KIF26A: variants seen among roughly 807,000 people sequenced by gnomAD.
KIF26A encodes kinesin-like protein KIF26A.
A neutral mutation model predicts 126.0 loss-of-function variants in KIF26A; 74 were observed. The observed-to-expected ratio is 0.59, with a 90% CI of 0.49 to 0.71. KIF26A has a LOEUF of 0.71. Among genes scored for constraint, KIF26A ranks in the 30% least tolerant of loss-of-function variants. The probability of loss-of-function intolerance (pLI) is 0.00; values close to 1 mark genes in which losing one functional copy is unlikely to be tolerated. For missense variants in KIF26A, 2,984 were observed against 2,763.3 expected, an observed-to-expected ratio of 1.08 and a Z score of -1.79; for synonymous variants, 1,445 against 1,232.7, an observed-to-expected ratio of 1.17 and a Z score of -3.61.
At chr14:104,173,588 T>G (rs2037983629) in intron 9 of KIF26A, 75 bp downstream of exon 9, 1 of 1,502,738 alleles carries the variant, frequency 6.7e-7, no homozygotes, top group East Asian at 2.4e-5. Flanking sequence ...GGGCCTGTCA[T>G]CCAGTGGCTC....
At chr14:104,141,771 G>T (rs2037639935) in intron 2 of KIF26A, among the ~76,000 whole-genome samples, 2 of 152,172 alleles carry the variant, frequency 1.3e-5, no homozygotes, top group Non-Finnish European at 2.9e-5. Context: ...AACACCCGAT[G>T]CCTGCATGGT....
chr14:104,153,346 G>A (rs545749465), intron 3 of KIF26A, among the ~76,000 whole-genome samples: 34 of 152,218 alleles, frequency 2.2e-4, no homozygotes, highest in Non-Finnish European at 2.1e-4. Flanking sequence ...GACACCCCCC[G>A]GGTCCCAGCT....
In KIF26A at chr14:104,176,380, C is replaced by T. The variant is rs757921413; in HGVS notation, c.3592C>T (p.Arg1198Trp). 27 of 1,585,282 alleles carry T rather than the reference C, an allele frequency of 1.7e-5. No individual in the cohort carries two copies. The highest frequency in any genetic ancestry group is 4.0e-5 in the African/African-American group (3 of 74,306). The stretch of plus-strand genomic sequence containing the variant: ...CAGGGAGCCCCAGGCCGGGCCCTCG[C>T]GGTGGGCATCCGCAGCCCAGACCAT... ...PGREPQAGPS[R>W]WASAAQTIHS... The change falls in exon 12 of 15, where the codon CGG (arginine) becomes TGG (tryptophan). Residue 1198 changes from arginine (R) to tryptophan (W), a missense_variant. Coordinates refer to ENST00000423312, the MANE Select transcript of KIF26A (RefSeq NM_015656.2).
intron 2 of KIF26A, among the ~76,000 whole-genome samples, chr14:104,150,547 T>A (rs2037719502): frequency 6.6e-6 from 1 of 151,982 alleles, no homozygotes; most frequent in Non-Finnish European, 1.5e-5. Flanking sequence ...CTCCAGGGCA[T>A]CTGTGGACAA....
At position 104,166,946 on chromosome 14, in the gene KIF26A, C is replaced by A. The variant is rs2037911329; in HGVS notation, c.1011C>A (p.Pro337=). ...CCACCCGCGGCACCTCCACCTACCC[C>A]ACCGACTTCAGCGGGGTCCTGCAGC... ...PPATRGTSTY[P]TDFSGVLQLW... Residue 337 remains proline (P), a synonymous_variant, in exon 5 of 15, where the codon CCC becomes CCA. Coordinates refer to ENST00000423312, the MANE Select transcript of KIF26A (RefSeq NM_015656.2). The A allele has an allele frequency of 6.3e-7, 1 of 1,592,634 alleles. No individual in the cohort carries two copies. Among genetic ancestry groups the A allele is most frequent in the East Asian group, 2.3e-5 (1 of 43,742 alleles).
At position 104,139,270 on chromosome 14, in the gene KIF26A, G is replaced by A. The variant is rs1020023156; in HGVS notation, c.270G>A (p.Gly90=). ...GACAGGCGTGGAAGCTGGTCAGCGG[G>A]CCCGGGACCACCCTCCGGGTAAGTG... ...LKRQAWKLVS[G]PGTTLRDPCL... Residue 90 remains glycine (G), a synonymous_variant, in exon 2 of 15, where the codon GGG becomes GGA. Coordinates refer to ENST00000423312, the MANE Select transcript of KIF26A (RefSeq NM_015656.2). The A allele has an allele frequency of 6.6e-7, 1 of 1,525,670 alleles. No homozygotes were observed. Among genetic ancestry groups the A allele is most frequent in the Admixed American group, 2.2e-5 (1 of 46,348 alleles). The allele number at this position is 1,525,670 out of a possible 1,614,324, so 94.5% of individuals were successfully genotyped here. A position where few individuals can be genotyped will look rare whatever the true frequency, so the allele number is the denominator to read the frequency against.
intron 2 of KIF26A, among the ~76,000 whole-genome samples, chr14:104,146,204 G>A (rs2037679227): frequency 6.6e-6 from 1 of 152,226 alleles, no homozygotes; most frequent in African/African-American, 2.4e-5. Flanking sequence ...GGGGGTGGGT[G>A]GCCCCTAGGG....
intron 2 of KIF26A, among the ~76,000 whole-genome samples, chr14:104,144,391 A>C (rs374352434): frequency 3.9e-5 from 6 of 152,216 alleles, no homozygotes; most frequent in African/African-American, 7.2e-5. Flanking sequence ...CGCTGGCCTC[A>C]CTGCCTCTCT....
Position 104,179,243 on chromosome 14 carries a change from C to A in KIF26A, c.5324C>A (p.Ala1775Glu). ...GCCCGCCCTGCCTCCCAGGGTCTGG[C>A]GTGCGTCAGTACAAGGCTGCGGCTG... is the stretch of plus-strand genomic sequence containing the variant. Reference protein sequence around the residue: ...TPREAPTQGLACVSTRLRLAE... With the variant: ...TPREAPTQGLECVSTRLRLAE... Residue 1775 changes from alanine (A) to glutamate (E), a missense_variant, in exon 14 of 15, where the codon GCG becomes GAG. By Grantham distance (107) the Ala-to-Glu change is moderately radical (BLOSUM62 -1). Transcript: ENST00000423312. 1 of 1,496,650 alleles carries A rather than the reference C, an allele frequency of 6.7e-7. No homozygotes were observed. Among genetic ancestry groups the A allele is most frequent in the Non-Finnish European group, 8.9e-7 (1 of 1,128,278 alleles). The allele number at this position is 1,496,650 out of a possible 1,614,324, so 92.7% of individuals were successfully genotyped here. A position where few individuals can be genotyped will look rare whatever the true frequency, so the allele number is the denominator to read the frequency against.
In KIF26A at chr14:104,173,795, C is replaced by A. The variant is rs757057401; in HGVS notation, c.1957C>A (p.Leu653Met). ...GRAGEAAGGPLCLSLSALGSV... is the reference protein window; with the variant it reads ...GRAGEAAGGPMCLSLSALGSV... ...GGCCGGGGAGGCTGCTGGGGGTCCC[C>A]TGTGTCTGTCCCTGTCGGCCCTGGG... Residue 653 changes from leucine to methionine, a missense_variant, in exon 10 of 15, where the codon CTG becomes ATG. Leu to Met is a conservative substitution (Grantham distance 15). Coordinates refer to ENST00000423312, the MANE Select transcript of KIF26A (RefSeq NM_015656.2). 8.7e-6 allele frequency: 14 copies of A among 1,606,050 alleles called. No homozygotes were observed. The highest frequency in any genetic ancestry group is 1.2e-5 in the Non-Finnish European group (14 of 1,179,486).
chr14:104,147,681 C>G (rs1308466135), intron 2 of KIF26A, among the ~76,000 whole-genome samples: 1 of 152,252 alleles, frequency 6.6e-6, no homozygotes, highest in Non-Finnish European at 1.5e-5. Flanking sequence ...GGGCTGCTGC[C>G]TGGCCGGGGG....
chr14:104,162,288 C>T (rs908233904), intron 4 of KIF26A, among the ~76,000 whole-genome samples: 3 of 152,150 alleles, frequency 2.0e-5, no homozygotes, highest in African/African-American at 4.8e-5. Context: ...AGATGTGGGG[C>T]GAACAACCTT....
intron 3 of KIF26A, among the ~76,000 whole-genome samples, chr14:104,156,044 C>CCTGTGGGTGCCACGCTGG (rs1407406597): frequency 6.9e-4 from 105 of 152,326 alleles, no homozygotes; most frequent in South Asian, 3.7e-3. Context: ...CGACGAGCCA[C>CCTGTGGGTGCCACGCTGG]CTGTGGGTGC....
Position 104,177,433 on chromosome 14 carries a change from G to A in KIF26A, c.4645G>A (p.Gly1549Ser), listed in dbSNP as rs553146444. The A allele has an allele frequency of 3.6e-5, 54 of 1,517,734 alleles. No homozygotes were observed. Among genetic ancestry groups the A allele is most frequent in the Non-Finnish European group, 4.4e-5 (50 of 1,136,662 alleles). The allele number at this position is 1,517,734 out of a possible 1,614,324, so 94.0% of individuals were successfully genotyped here. ...CGGGCCCAGTGTCGGGGCGAAGGCTGGCCGGGGTACCGTCATGGGCACAAA... is the reference window on the plus strand; with the variant it reads ...CGGGCCCAGTGTCGGGGCGAAGGCTAGCCGGGGTACCGTCATGGGCACAAA... ...RAGPSVGAKAGRGTVMGTKQA... is the reference protein window; with the variant it reads ...RAGPSVGAKASRGTVMGTKQA... Residue 1549 changes from glycine (G) to serine (S), a missense_variant, in exon 12 of 15, where the codon GGC becomes AGC. By Grantham distance (56) the Gly-to-Ser change is moderately conservative. Coordinates refer to ENST00000423312, the MANE Select transcript of KIF26A (RefSeq NM_015656.2).
rs1233866919 is a variant in KIF26A, at chr14:104,147,282, T to C, written c.289-4733T>C. ...ATGCGATGGAGGACAGGGGAGGCCA[T>C]TGAGGGGATGAGGGTCTCAATGAGC... On this transcript the variant is annotated intron_variant, in intron 2 of 14. Transcript: ENST00000423312. Among the ~76,000 whole-genome samples the C allele has an allele frequency of 2.6e-5, 4 of 152,112 alleles. No homozygotes were observed. The East Asian group carries it at 5.8e-4, about 22-fold the overall frequency.
chr14:104,157,913 C>A lies in KIF26A; in HGVS notation c.894C>A (p.Gly298=). 1 of 1,532,966 alleles carries A rather than the reference C, an allele frequency of 6.5e-7. No homozygotes were observed. The allele number at this position is 1,532,966 out of a possible 1,614,324, so 95.0% of individuals were successfully genotyped here. A position where few individuals can be genotyped will look rare whatever the true frequency, so the allele number is the denominator to read the frequency against. Residue 298 remains glycine (G), a synonymous_variant, in exon 4 of 15, where the codon GGC becomes GGA. Coordinates refer to ENST00000423312, the MANE Select transcript of KIF26A (RefSeq NM_015656.2). ...CGGGCTCGGTGGGGGGCTCCACAGG[C>A]CCCTCAGCTGCAGCCTCCTTCTTCA... ...PTPGSVGGST[G]PSAAASFFIR...
At chr14:104,179,120 A>G (rs2038071250) in intron 13 of KIF26A, 116 bp from the exon 14 acceptor site, 8 of 1,216,276 alleles carry the variant, frequency 6.6e-6, no homozygotes, top group African/African-American at 1.6e-5. Flanking sequence ...TTGGAGCCCC[A>G]CTGTGTGCCT....
At chr14:104,178,354 C>T (rs773363152) in intron 12 of KIF26A, among the ~76,000 whole-genome samples, 196 bp from the exon 13 acceptor site, 65 of 152,086 alleles carry the variant, frequency 4.3e-4, no homozygotes, top group Non-Finnish European at 3.1e-4. Flanking sequence ...GTGGTGGGGG[C>T]GCCCTTGAGA....
At position 104,161,016 on chromosome 14, in the gene KIF26A, G is replaced by C. The variant is rs1203604940; in HGVS notation, c.923+3074G>C. 2.3e-5 allele frequency among the ~76,000 whole-genome samples: 3 copies of C among 129,464 alleles called. No individual in the cohort carries two copies. The East Asian group carries it at 6.2e-4, about 27-fold the overall frequency. The allele number at this position is 129,464 out of a possible 152,430, so 84.9% of individuals were successfully genotyped here. On this transcript the variant is annotated intron_variant, in intron 4 of 14. Coordinates refer to ENST00000423312, the MANE Select transcript of KIF26A (RefSeq NM_015656.2). Reference sequence around the variant, plus strand: ...GGCACCCAGCAGAAGTGCAGCGCCTGCGGGGAGAGTGCGCTGCCCGAGGCT... The same window carrying C: ...GGCACCCAGCAGAAGTGCAGCGCCTCCGGGGAGAGTGCGCTGCCCGAGGCT...
Sources: gnomAD v4.1 joint callset for allele counts (sites outside exome capture counted in the v4.1 genomes callset) on GRCh38, gnomAD v4.1.1 for gene constraint, MANE v1.5 for transcripts, NCBI Gene and HGNC (gene_info 2026-07-23, HGNC 2026-07-21) for gene names.